CD1A: variants seen among roughly 807,000 people sequenced by gnomAD.
CD1A encodes CD1a molecule, also known as T-cell surface glycoprotein CD1a.
A neutral mutation model predicts 38.3 loss-of-function variants in CD1A; 50 were observed. The ratio of observed to expected loss-of-function variants is 1.30; its 90% CI spans 1.04 to 1.65. The LOEUF (loss-of-function observed/expected upper bound fraction) is 1.65. Ranked by LOEUF, CD1A falls within the 40% of genes most tolerant of loss-of-function variation. The probability of loss-of-function intolerance (pLI) is 0.00; values close to 1 mark genes in which losing one functional copy is unlikely to be tolerated. For synonymous variants in CD1A, 160 were observed against 150.8 expected (o/e 1.06, Z -0.45); for missense variants, 459 against 406.1 (o/e 1.13, Z -1.12).
intron 1 of CD1A, 26 bp from the exon 2 acceptor site, chr1:158,255,058 C>A: frequency 6.2e-7 from 1 of 1,609,636 alleles, no homozygotes; most frequent in South Asian, 1.1e-5. Flanking sequence ...GTCTTTCTCC[C>A]CATTCTATCT....
chr1:158,257,217 GC>G (rs1650290288), intron 4 of CD1A, among the ~76,000 whole-genome samples, 153 bp downstream of exon 4: 1 of 151,902 alleles, frequency 6.6e-6, no homozygotes, highest in South Asian at 2.1e-4. Flanking sequence ...GAAAATGAGG[GC>G]CCTGTAGATG....
Position 158,254,649 on chromosome 1 carries a change from G to T in CD1A, c.-21G>T. On this transcript the variant is annotated 5_prime_UTR_variant, in exon 1 of 6. Transcript: ENST00000289429. ...CAAAGACCAATTTTTCTGAGAGAAGGAAATAACATCTGCAAATGATATGCT... is the reference window on the plus strand; with the variant it reads ...CAAAGACCAATTTTTCTGAGAGAAGTAAATAACATCTGCAAATGATATGCT... 2 of 1,614,024 alleles carry T rather than the reference G, an allele frequency of 1.2e-6. No individual in the cohort carries two copies. The highest frequency in any genetic ancestry group is 2.2e-5 in the South Asian group (2 of 91,062).
At chr1:158,253,099 GA>G (rs1027992488), upstream of CD1A, among the ~76,000 whole-genome samples, 151 of 151,728 alleles carry the variant, frequency 1.0e-3, no homozygotes, top group African/African-American at 3.5e-3. Context: ...CCTGTCTCAA[GA>G]AAAAAAATTT....
In CD1A at chr1:158,256,292, G is replaced by A. The variant is rs1650256216; in HGVS notation, c.604+10G>A. On this transcript the variant is annotated intron_variant, in intron 3 of 5. Coordinates refer to ENST00000289429, the MANE Select transcript of CD1A (RefSeq NM_001763.3). The stretch of plus-strand genomic sequence containing the variant: ...CATCTCCAGCGGCAAGGTCAGTCCT[G>A]CACTCTCCCTCCAAGAAGTTTTGAT... 3 of 1,605,780 alleles carry A rather than the reference G, an allele frequency of 1.9e-6. No individual in the cohort carries two copies. The African/African-American group carries it at 4.0e-5, about 21-fold the overall frequency.
At chr1:158,254,175 A>G (rs2101630221), upstream of CD1A, 2 of 996,296 alleles carry the variant, frequency 2.0e-6, no homozygotes, top group Non-Finnish European at 2.4e-6. Flanking sequence ...AAATAAATCA[A>G]TGTTAAATCA....
chr1:158,252,958 C>G (rs541960752), upstream of CD1A, among the ~76,000 whole-genome samples: 29 of 151,542 alleles, frequency 1.9e-4, no homozygotes, highest in Admixed American at 5.9e-4. Flanking sequence ...CAGGCCATGC[C>G]TGGTGGCTCA....
Position 158,255,352 on chromosome 1 carries a change from T to G in CD1A, c.325+2T>G. On this transcript the variant is annotated splice_donor_variant, in intron 2 of 5. Coordinates refer to ENST00000289429, the MANE Select transcript of CD1A (RefSeq NM_001763.3). LOFTEE classifies it high-confidence loss of function. ...ACGCCCATGAATTGCAGTTTGAATG[T>G]GAGTTCAGTTTTCTCCATGGAGAGT... The G allele has an allele frequency of 4.3e-6, 7 of 1,612,892 alleles. No homozygotes were observed. The highest frequency in any genetic ancestry group is 5.1e-6 in the Non-Finnish European group (6 of 1,178,974).
upstream of CD1A, among the ~76,000 whole-genome samples, chr1:158,252,941 T>C (rs912202960): frequency 2.0e-5 from 3 of 151,516 alleles, no homozygotes; most frequent in Non-Finnish European, 4.4e-5. Context: ...AATAAAAAAA[T>C]TATTTGCAGG....
Position 158,256,120 on chromosome 1 carries a change from TG to T in CD1A, c.444del (p.Trp148CysfsTer27). On this transcript the variant is annotated frameshift_variant, in exon 3 of 6. Transcript: ENST00000289429. LOFTEE classifies it high-confidence loss of function. ...CTTTGTGAGCTTCCAGAACAATTCA[TG>T]GTTGCCATATCCAGTGGCTGGGAAT... ...SDFVSFQNNS[W>X]LPYPVAGNMA... 1 of 1,614,204 alleles carries T rather than the reference TG, an allele frequency of 6.2e-7. No homozygotes were observed.
In CD1A at chr1:158,255,997, A is replaced by C. The variant is rs759854174; in HGVS notation, c.326-7A>C. 1 of 1,598,882 alleles carries C rather than the reference A, an allele frequency of 6.3e-7. No individual in the cohort carries two copies. Among genetic ancestry groups the C allele is most frequent in the Admixed American group, 1.7e-5 (1 of 57,882 alleles). On this transcript the variant is annotated splice_region_variant and splice_polypyrimidine_tract_variant and intron_variant, in intron 2 of 5. Coordinates refer to ENST00000289429, the MANE Select transcript of CD1A (RefSeq NM_001763.3). ...TTCTCCCTCTTTCCTCTATTTCATA[A>C]CCCCAGATCCTTTTGAGATACAGGT...
In CD1A at chr1:158,256,106, T is replaced by A; in HGVS notation, c.428T>A (p.Phe143Tyr). Residue 143 changes from phenylalanine (F) to tyrosine (Y), a missense_variant, in exon 3 of 6, where the codon TTC becomes TAC. Physicochemically the swap from Phe to Tyr is conservative, Grantham distance 22. Coordinates refer to ENST00000289429, the MANE Select transcript of CD1A (RefSeq NM_001763.3). ...LAYQGSDFVS[F>Y]QNNSWLPYPV... ...TATCAAGGATCAGACTTTGTGAGCT[T>A]CCAGAACAATTCATGGTTGCCATAT... is the stretch of plus-strand genomic sequence containing the variant. 1 of 1,614,206 alleles carries A rather than the reference T, an allele frequency of 6.2e-7. No individual in the cohort carries two copies. Among genetic ancestry groups the A allele is most frequent in the Non-Finnish European group, 8.5e-7 (1 of 1,180,022 alleles).
the CD1A span, among the ~76,000 whole-genome samples, chr1:158,249,184 C>T: frequency 7.9e-5 from 12 of 152,276 alleles, no homozygotes; most frequent in East Asian, 3.9e-4. Flanking sequence ...CCATATTCAA[C>T]GGTGTAGGCC....
chr1:158,257,152 A>T, intron 4 of CD1A, 88 bp downstream of exon 4: 1 of 1,470,066 alleles, frequency 6.8e-7, no homozygotes, highest in Non-Finnish European at 9.1e-7. Flanking sequence ...TTAGGATTTT[A>T]GGGATTATAG....
intron 1 of CD1A, 118 bp from the exon 2 acceptor site, chr1:158,254,966 T>C: frequency 9.2e-7 from 1 of 1,085,740 alleles, no homozygotes; most frequent in Non-Finnish European, 1.4e-6. Context: ...GAATGTCTGC[T>C]AAGATCATGA....
upstream of CD1A, among the ~76,000 whole-genome samples, chr1:158,251,313 G>A (rs1256668007): frequency 2.6e-5 from 4 of 152,164 alleles, no homozygotes; most frequent in African/African-American, 9.7e-5. Context: ...GTGAGTAAAT[G>A]CACACAGTTG....
At position 158,256,231 on chromosome 1, in the gene CD1A, C is replaced by T. The variant is rs749890879; in HGVS notation, c.553C>T (p.Arg185Cys). The change falls in exon 3 of 6, where the codon CGT becomes TGT. Residue 185 changes from arginine to cysteine, a missense_variant. By Grantham distance (180) the Arg-to-Cys change is radical. Transcript: ENST00000289429. Reference protein sequence around the residue: ...THNLLSDTCPRFILGLLDAGK... With the variant: ...THNLLSDTCPCFILGLLDAGK... Reference sequence around the variant, plus strand: ...CAATCTTCTCAGTGACACCTGCCCACGTTTCATCTTGGGTCTTCTTGATGC... The same window carrying T: ...CAATCTTCTCAGTGACACCTGCCCATGTTTCATCTTGGGTCTTCTTGATGC... 2.3e-5 allele frequency: 37 copies of T among 1,613,984 alleles called. No homozygotes were observed. In the Admixed American group the frequency reaches 2.5e-4, roughly 11 times the overall value.
chr1:158,251,396 G>A (rs1439415192), upstream of CD1A, among the ~76,000 whole-genome samples: 1 of 152,194 alleles, frequency 6.6e-6, no homozygotes, highest in Non-Finnish European at 1.5e-5. Context: ...AACTGGGTTT[G>A]CTGTTTTGCT....
upstream of CD1A, among the ~76,000 whole-genome samples, chr1:158,249,748 C>A (rs929145274): frequency 1.3e-5 from 2 of 151,954 alleles, no homozygotes; most frequent in African/African-American, 4.8e-5. Flanking sequence ...AATGTTGTAC[C>A]CCTTGGGCAC....
upstream of CD1A, among the ~76,000 whole-genome samples, chr1:158,253,259 T>C (rs892568099): frequency 1.3e-5 from 2 of 152,216 alleles, no homozygotes; most frequent in Non-Finnish European, 2.9e-5. Context: ...AAGAGGAATG[T>C]AAATGTGTCC....
Sources: gnomAD v4.1 joint callset for allele counts (sites outside exome capture counted in the v4.1 genomes callset) on GRCh38, gnomAD v4.1.1 for gene constraint, MANE v1.5 for transcripts, NCBI Gene and HGNC (gene_info 2026-07-23, HGNC 2026-07-21) for gene names.